The following AGPAT3 variants were observed in gnomAD, a reference collection of about 807,000 sequenced individuals.
AGPAT3 encodes 1-acylglycerol-3-phosphate O-acyltransferase 3.
In AGPAT3, 5 loss-of-function variants were observed where a neutral mutation model predicts 47.3. That is an observed-to-expected ratio of 0.11 (90% CI 0.06 to 0.22). The LOEUF (loss-of-function observed/expected upper bound fraction) is 0.22. Among genes scored for constraint, AGPAT3 ranks in the 10% least tolerant of loss-of-function variants. The pLI is 1.00. For missense variants in AGPAT3, 315 were observed against 493.0 expected (o/e 0.64, Z 3.42); for synonymous variants, 212 against 208.3 (o/e 1.02, Z -0.15).
intron 2 of AGPAT3, among the ~76,000 whole-genome samples, chr21:43,949,999 CT>C (rs2088113108): frequency 6.6e-6 from 1 of 152,204 alleles, no homozygotes; most frequent in African/African-American, 2.4e-5. Context: ...CAGTTTCCCC[CT>C]CTCCCACCTG....
chr21:43,942,972 C>G (rs900360690), intron 2 of AGPAT3, among the ~76,000 whole-genome samples: 2 of 152,226 alleles, frequency 1.3e-5, no homozygotes, highest in African/African-American at 4.8e-5. Flanking sequence ...GGCCTCGGAG[C>G]CTTGTTCATC....
At chr21:43,967,733 T>G in intron 3 of AGPAT3, 1 of 552,804 alleles carries the variant, frequency 1.8e-6, no homozygotes, top group Non-Finnish European at 3.2e-6. Context: ...TCTCTCCCTT[T>G]CTGCTGCTAC....
intron 1 of AGPAT3, among the ~76,000 whole-genome samples, chr21:43,887,280 C>A (rs1018489397): frequency 6.6e-6 from 1 of 152,214 alleles, no homozygotes; most frequent in Admixed American, 6.5e-5. Flanking sequence ...GAAGCAGTCG[C>A]CACCCTCTGT....
rs116053971 is a variant in AGPAT3, at chr21:43,970,760, G to T, written c.618G>T (p.Pro206=). ...CTGTCCTCAAGTACCACCTGCTGCC[G>T]CGGACCAAGGGCTTCACCACCGCAG... is the stretch of plus-strand genomic sequence containing the variant. ...GLPVLKYHLL[P]RTKGFTTAVK... is the part of the protein sequence containing the mutation. Residue 206 remains proline, a synonymous_variant, in exon 6 of 10, where the codon CCG becomes CCT. Coordinates refer to ENST00000291572, the MANE Select transcript of AGPAT3 (RefSeq NM_020132.5). This position sits in a 1 kb window ranked among gnomAD's most constrained non-coding sequence, Gnocchi z 5.8. 117 of 1,608,012 alleles carry T rather than the reference G, an allele frequency of 7.3e-5. No individual in the cohort carries two copies. Among genetic ancestry groups the T allele is most frequent in the Non-Finnish European group, 3.1e-5 (37 of 1,175,942 alleles).
At chr21:43,874,982 T>C (rs1293880089) in intron 1 of AGPAT3, among the ~76,000 whole-genome samples, 2 of 152,162 alleles carry the variant, frequency 1.3e-5, no homozygotes, top group African/African-American at 2.4e-5. Flanking sequence ...CATATATGTA[T>C]TTTTTTCTTT....
chr21:43,985,762 T>C lies in AGPAT3; in HGVS notation c.*3370T>C, dbSNP rs1303748268. The C allele has an allele frequency of 6.1e-6, 1 of 162,904 alleles. No homozygotes were observed. Among genetic ancestry groups the C allele is most frequent in the Non-Finnish European group, 1.4e-5 (1 of 74,018 alleles). 10.1% of individuals were successfully genotyped at this position (162,904 alleles called of 1,614,324 possible). The stretch of plus-strand genomic sequence containing the variant: ...TTTTCACCTGACTTGTTCAGCCCCA[T>C]GCGTAGACTCCCGCTGCAGGCCTCT... On this transcript the variant is annotated 3_prime_UTR_variant, in exon 10 of 10. Coordinates refer to ENST00000291572, the MANE Select transcript of AGPAT3 (RefSeq NM_020132.5).
At chr21:43,914,648 C>T (rs1047671118) in intron 2 of AGPAT3, among the ~76,000 whole-genome samples, 1 of 151,678 alleles carries the variant, frequency 6.6e-6, no homozygotes, top group Non-Finnish European at 1.5e-5. Context: ...CTCTTGGGCT[C>T]AAGCAGTCCT....
At chr21:43,917,094 AG>A (rs1377193218) in intron 2 of AGPAT3, among the ~76,000 whole-genome samples, 4 of 152,044 alleles carry the variant, frequency 2.6e-5, no homozygotes, top group Non-Finnish European at 5.9e-5. Flanking sequence ...CGGGCAAGTG[AG>A]GGGGGCCCAC....
At chr21:43,958,951 GTA>G (rs1047013140) in intron 2 of AGPAT3, among the ~76,000 whole-genome samples, 18 of 142,232 alleles carry the variant, frequency 1.3e-4, no homozygotes, top group African/African-American at 3.7e-4. Flanking sequence ...TGTGTGGCGT[GTA>G]TGTGGTTTTG....
Position 43,985,123 on chromosome 21 carries a change from C to T in AGPAT3, c.*2731C>T, listed in dbSNP as rs1330550344. On this transcript the variant is annotated 3_prime_UTR_variant, in exon 10 of 10. Coordinates refer to ENST00000291572, the MANE Select transcript of AGPAT3 (RefSeq NM_020132.5). The stretch of plus-strand genomic sequence containing the variant: ...AAGCTCCCAGCCTGGGCCGTGGTCT[C>T]CTGGGGACGCCGCTGGCCTCCCAGC... 4 of 456,190 alleles carry T rather than the reference C, an allele frequency of 8.8e-6. No individual in the cohort carries two copies. The highest frequency in any genetic ancestry group is 1.3e-5 in the Non-Finnish European group (3 of 226,970). 28.3% of individuals were successfully genotyped at this position (456,190 alleles called of 1,614,324 possible).
At chr21:43,958,992 G>A (rs376256627) in intron 2 of AGPAT3, among the ~76,000 whole-genome samples, 118 of 142,294 alleles carry the variant, frequency 8.3e-4, no homozygotes, top group African/African-American at 2.7e-3. Flanking sequence ...TGTGGTTTGC[G>A]GTGTGTGTGT....
chr21:43,896,181 G>A (rs1382041798), intron 1 of AGPAT3, among the ~76,000 whole-genome samples: 3 of 152,250 alleles, frequency 2.0e-5, no homozygotes, highest in Non-Finnish European at 4.4e-5. Flanking sequence ...TGGGATTACA[G>A]GGGTGAGCCA....
At chr21:43,891,523 C>T (rs1182336327) in intron 1 of AGPAT3, among the ~76,000 whole-genome samples, 1 of 151,976 alleles carries the variant, frequency 6.6e-6, no homozygotes, top group Non-Finnish European at 1.5e-5. Context: ...ATCCCAGCTA[C>T]TCAAGAGGCT....
intron 1 of AGPAT3, among the ~76,000 whole-genome samples, chr21:43,887,348 G>A (rs2086003083): frequency 6.6e-6 from 1 of 152,208 alleles, no homozygotes. Context: ...CTGGATTAGA[G>A]TCCAGGTTGA....
At chr21:43,912,808 G>A (rs2086655076) in intron 2 of AGPAT3, among the ~76,000 whole-genome samples, 1 of 152,220 alleles carries the variant, frequency 6.6e-6, no homozygotes, top group Non-Finnish European at 1.5e-5. Flanking sequence ...GTTTGCAAAT[G>A]TTATTTACTG....
chr21:43,980,928 C>A, intron 8 of AGPAT3, 61 bp from the exon 9 acceptor site: 1 of 1,472,538 alleles, frequency 6.8e-7, no homozygotes, highest in Non-Finnish European at 9.4e-7. Flanking sequence ...TCTTCTCCTG[C>A]ATTGAAATAA....
chr21:43,953,364 G>A (rs2088294004), intron 2 of AGPAT3, among the ~76,000 whole-genome samples: 1 of 152,222 alleles, frequency 6.6e-6, no homozygotes, highest in East Asian at 1.9e-4. Flanking sequence ...TGCTCATGGT[G>A]TCCTAGTGAG....
chr21:43,887,533 A>G lies in AGPAT3; in HGVS notation c.-111-16424A>G, dbSNP rs140737756. Reference sequence around the variant, plus strand: ...CTGAAATATTTGGGTATAAAGTGCTATGATGTCTGGAAGTAATGCTCAGGT... The same window carrying G: ...CTGAAATATTTGGGTATAAAGTGCTGTGATGTCTGGAAGTAATGCTCAGGT... On this transcript the variant is annotated intron_variant, in intron 1 of 9. Coordinates refer to ENST00000291572, the MANE Select transcript of AGPAT3 (RefSeq NM_020132.5). Among the ~76,000 whole-genome samples, 9 of 152,374 alleles carry G rather than the reference A, an allele frequency of 5.9e-5. No homozygotes were observed. In the East Asian group the frequency reaches 1.5e-3, roughly 26 times the overall value.
intron 8 of AGPAT3, 30 bp downstream of exon 8, chr21:43,978,151 C>G (rs1245746682): frequency 6.2e-7 from 1 of 1,602,522 alleles, no homozygotes; most frequent in Non-Finnish European, 8.5e-7. Context: ...GCTCAGGGTC[C>G]CGGTCTCCTG....
Sources: gnomAD v4.1 joint callset for allele counts (sites outside exome capture counted in the v4.1 genomes callset) on GRCh38, gnomAD v4.1.1 for gene constraint, Gnocchi (gnomAD v3.1) non-coding constraint, MANE v1.5 for transcripts, NCBI Gene and HGNC (gene_info 2026-07-23, HGNC 2026-07-21) for gene names.